NCBP1: variants seen among roughly 807,000 people sequenced by gnomAD.
NCBP1 encodes the protein nuclear cap binding protein subunit 1, also known as nuclear cap-binding protein subunit 1.
Under a neutral mutation model 111.7 loss-of-function variants are expected in NCBP1, and 16 were observed. The ratio of observed to expected loss-of-function variants is 0.14; its 90% CI spans 0.10 to 0.22. The LOEUF (loss-of-function observed/expected upper bound fraction) is 0.22, where lower values mean the gene tolerates loss of function less well. Ranked by LOEUF, NCBP1 falls within the 10% of genes least tolerant of loss-of-function variation. The pLI, the probability that NCBP1 is intolerant of heterozygous loss-of-function variation, is 1.00. For synonymous variants in NCBP1, 304 were observed against 314.3 expected (o/e 0.97, Z 0.35); for missense variants, 607 against 957.5 (o/e 0.63, Z 4.83).
At chr9:97,656,500 A>G (rs975811602) in intron 14 of NCBP1, among the ~76,000 whole-genome samples, 1 of 152,198 alleles carries the variant, frequency 6.6e-6, no homozygotes, top group African/African-American at 2.4e-5. Context: ...CCTTTGAGCC[A>G]AGATGGCGCC....
intron 12 of NCBP1, 122 bp from the exon 13 acceptor site, chr9:97,655,580 A>C: frequency 3.0e-6 from 2 of 664,760 alleles, no homozygotes. Flanking sequence ...CATGTAGGGG[A>C]ATATGCTTTT....
chr9:97,660,116 A>G (rs1369746816), intron 15 of NCBP1, among the ~76,000 whole-genome samples: 1 of 152,216 alleles, frequency 6.6e-6, no homozygotes, highest in African/African-American at 2.4e-5. Context: ...GCTAGAATGT[A>G]GACTGGTGAC....
chr9:97,648,486 C>T (rs569031628), intron 8 of NCBP1, among the ~76,000 whole-genome samples: 3 of 151,940 alleles, frequency 2.0e-5, no homozygotes, highest in East Asian at 1.9e-4. Flanking sequence ...TTTAGAGCTA[C>T]GTTGGTTTGT....
intron 6 of NCBP1, among the ~76,000 whole-genome samples, chr9:97,646,601 C>T (rs1402798263): frequency 6.6e-6 from 1 of 151,970 alleles, no homozygotes; most frequent in East Asian, 1.9e-4. Context: ...TTTAGGAGGC[C>T]AAGGCAGGTG....
chr9:97,640,329 G>A (rs1011089419), intron 1 of NCBP1, among the ~76,000 whole-genome samples: 1 of 151,890 alleles, frequency 6.6e-6, no homozygotes, highest in Non-Finnish European at 1.5e-5. Flanking sequence ...ACTTGGTTTT[G>A]CACCCTTATT....
intron 2 of NCBP1, 49 bp from the exon 3 acceptor site, chr9:97,641,513 T>C: frequency 7.4e-7 from 1 of 1,360,360 alleles, no homozygotes; most frequent in Non-Finnish European, 9.7e-7. Flanking sequence ...TAAAAATAAA[T>C]TTATGTTGCT....
intron 18 of NCBP1, among the ~76,000 whole-genome samples, chr9:97,663,970 G>C (rs1218557697): frequency 3.3e-5 from 5 of 151,634 alleles, no homozygotes; most frequent in Non-Finnish European, 2.9e-5. Flanking sequence ...CTTGAAGCCA[G>C]GAGTTCGAGA....
chr9:97,639,271 C>G (rs1011020447), intron 1 of NCBP1, among the ~76,000 whole-genome samples: 5 of 152,146 alleles, frequency 3.3e-5, no homozygotes, highest in African/African-American at 1.2e-4. Context: ...GTGTCTTACC[C>G]TGTAACCTTT....
At position 97,634,814 on chromosome 9, in the gene NCBP1, A is replaced by T. The variant is rs61360168; in HGVS notation, c.34+899A>T. 7.9e-5 allele frequency among the ~76,000 whole-genome samples: 12 copies of T among 152,342 alleles called. No individual in the cohort carries two copies. In the East Asian group the frequency reaches 2.3e-3, roughly 29 times the overall value. On this transcript the variant is annotated intron_variant, in intron 1 of 22. Transcript: ENST00000375147. ...TTAAGAGATGAGACTTTGGAACCAG[A>T]GGGTTTAGGTTCAAAGCCAGACCCT...
At chr9:97,635,460 G>A (rs1826990800) in intron 1 of NCBP1, among the ~76,000 whole-genome samples, 1 of 148,120 alleles carries the variant, frequency 6.8e-6, no homozygotes, top group Admixed American at 6.7e-5. Context: ...TGTCAGGCTG[G>A]AGTGCAGTGG....
At chr9:97,661,768 G>T (rs1305707471) in intron 16 of NCBP1, among the ~76,000 whole-genome samples, 3 of 141,624 alleles carry the variant, frequency 2.1e-5, no homozygotes, top group Admixed American at 1.4e-4. Context: ...ATATAATAGA[G>T]GCTATGAATA....
At chr9:97,670,292 A>G (rs1341225911) in intron 22 of NCBP1, among the ~76,000 whole-genome samples, 1 of 152,228 alleles carries the variant, frequency 6.6e-6, no homozygotes, top group African/African-American at 2.4e-5. Flanking sequence ...TCAAGAGGAC[A>G]GTAATTGGAT....
At chr9:97,634,037 A>C (rs1307883752) in intron 1 of NCBP1, 122 bp downstream of exon 1, 12 of 1,226,586 alleles carry the variant, frequency 9.8e-6, no homozygotes, top group Non-Finnish European at 1.2e-5. Flanking sequence ...GGAGCCGCGG[A>C]GGGAAAGAGG....
chr9:97,638,078 C>T (rs902675987), intron 1 of NCBP1, among the ~76,000 whole-genome samples: 3 of 152,138 alleles, frequency 2.0e-5, no homozygotes, highest in Admixed American at 1.3e-4. Context: ...GTACATTGAG[C>T]GAATTCCCCA....
intron 20 of NCBP1, among the ~76,000 whole-genome samples, chr9:97,668,019 G>A (rs1454236285): frequency 2.0e-5 from 3 of 152,130 alleles, no homozygotes; most frequent in Admixed American, 1.3e-4. Flanking sequence ...TGTGATATCC[G>A]AGAGCAGGGT....
rs754837272 is a variant in NCBP1, at chr9:97,645,629, G to T, written c.508G>T (p.Val170Leu). 1.9e-5 allele frequency: 31 copies of T among 1,613,784 alleles called. No individual in the cohort carries two copies. Among genetic ancestry groups the T allele is most frequent in the Non-Finnish European group, 2.6e-5 (31 of 1,179,820 alleles). Residue 170 changes from valine to leucine, a missense_variant, in exon 6 of 23, where the codon GTG becomes TTG. Around this residue, in one of 9 missense-constraint regions of NCBP1, gnomAD observed 185 missense variants for 272.0 expected, o/e 0.68. Coordinates refer to ENST00000375147, the MANE Select transcript of NCBP1 (RefSeq NM_002486.5). Reference protein sequence around the residue: ...DVPQVRRDWYVYAFLSSLPWV... With the variant: ...DVPQVRRDWYLYAFLSSLPWV... ...CCTTTAGGTGCGACGAGATTGGTAT[G>T]TGTATGCATTTCTGTCATCTTTGCC...
rs1398766093 is a variant in NCBP1, at chr9:97,669,454, A to C, written c.2146-139A>C. Reference sequence around the variant, plus strand: ...CAGTCTGCCCTTCTAGGTTGACTTCATGAATAATGGAAGCTAGGCACACAC... The same window carrying C: ...CAGTCTGCCCTTCTAGGTTGACTTCCTGAATAATGGAAGCTAGGCACACAC... On this transcript the variant is annotated intron_variant, in intron 21 of 22. Coordinates refer to ENST00000375147, the MANE Select transcript of NCBP1 (RefSeq NM_002486.5). 4.8e-6 allele frequency: 3 copies of C among 625,300 alleles called. No individual in the cohort carries two copies. In the East Asian group the frequency reaches 8.2e-5, roughly 17 times the overall value. 38.7% of individuals were successfully genotyped at this position (625,300 alleles called of 1,614,324 possible).
In NCBP1 at chr9:97,639,840, G is replaced by GT. The variant is rs1167957981; in HGVS notation, c.35-953dup. ...AAACAGCAAGGGTCTTAATAGACAG[G>GT]TGTTTGAGGTTAATTTTTAGCACAC... On this transcript the variant is annotated intron_variant, in intron 1 of 22. Transcript: ENST00000375147. Among the ~76,000 whole-genome samples, 7 of 152,252 alleles carry GT rather than the reference G, an allele frequency of 4.6e-5. No individual in the cohort carries two copies. The South Asian group carries it at 1.4e-3, about 32-fold the overall frequency.
chr9:97,657,925 TA>T (rs71487336), intron 14 of NCBP1, among the ~76,000 whole-genome samples: 2,301 of 116,814 alleles, frequency 0.02, 22 homozygotes, highest in East Asian at 0.032. Flanking sequence ...TATATATATA[TA>T]TTTTTTTTTT....
Sources: allele counts gnomAD v4.1 joint callset (sites outside exome capture counted in the v4.1 genomes callset), GRCh38; gene constraint gnomAD v4.1.1; regional missense constraint gnomAD v4.1.1; transcripts MANE v1.5; gene names NCBI Gene and HGNC (gene_info 2026-07-23, HGNC 2026-07-21).